Variants in COL4A5 observed in about 807,000 individuals in gnomAD.
COL4A5 encodes collagen type IV alpha 5 chain.
Under a neutral mutation model 130.2 loss-of-function variants are expected in COL4A5, and 26 were observed. That is an observed-to-expected ratio of 0.20 (90% confidence interval 0.15 to 0.28). The LOEUF is 0.28. Ranked by LOEUF, COL4A5 falls within the 10% of genes least tolerant of loss-of-function variation. COL4A5 has a pLI of 1.00. For missense variants in COL4A5, 1,131 were observed against 1,344.3 expected, an observed-to-expected ratio of 0.84 and a Z score of 2.48; for synonymous variants, 496 against 439.6, an observed-to-expected ratio of 1.13 and a Z score of -1.60.
intron 36 of COL4A5, among the ~76,000 whole-genome samples, chrX:108,653,836 C>T (rs746908828): frequency 9.0e-6 from 1 of 111,545 alleles, no homozygotes; most frequent in African/African-American, 3.3e-5. Context: ...GGGACCAATT[C>T]AATCCAAAAT....
chrX:108,576,435 G>A (rs995197996), intron 10 of COL4A5, among the ~76,000 whole-genome samples: 5 of 111,806 alleles, frequency 4.5e-5, no homozygotes, highest in Non-Finnish European at 9.4e-5. Context: ...TATGCAATTG[G>A]TCACAGGTTT....
At chrX:108,543,999 A>G (rs181919143) in intron 2 of COL4A5, among the ~76,000 whole-genome samples, 62 of 112,185 alleles carry the variant, frequency 5.5e-4, no homozygotes, top group African/African-American at 1.9e-3. Context: ...CAGCTTAAGG[A>G]GATTTTAGGC....
At chrX:108,571,536 G>A in intron 7 of COL4A5, 70 bp downstream of exon 7, 1 of 762,139 alleles carries the variant, frequency 1.3e-6, no homozygotes. Flanking sequence ...TAGTGAGAGA[G>A]CCCAATGCAT....
intron 1 of COL4A5, among the ~76,000 whole-genome samples, chrX:108,458,950 A>C (rs1181902034): frequency 9.5e-6 from 1 of 104,812 alleles, no homozygotes; most frequent in African/African-American, 3.5e-5. Context: ...ACTGCACTCC[A>C]GCCTGGGTGA....
chrX:108,646,457 T>C (rs1267398311), intron 36 of COL4A5, among the ~76,000 whole-genome samples: 2 of 111,639 alleles, frequency 1.8e-5, no homozygotes, highest in Non-Finnish European at 3.8e-5. Flanking sequence ...TTTGTTTGAG[T>C]TCATTGTAGA....
chrX:108,587,003 G>A (rs1386833989), intron 19 of COL4A5, among the ~76,000 whole-genome samples: 2 of 110,927 alleles, frequency 1.8e-5, no homozygotes, highest in Non-Finnish European at 1.9e-5. Context: ...ATACATAATT[G>A]TACATATTTA....
chrX:108,684,041 A>G (rs1357063837), intron 47 of COL4A5, among the ~76,000 whole-genome samples: 2 of 111,606 alleles, frequency 1.8e-5, no homozygotes, highest in African/African-American at 6.5e-5. Context: ...ATTAAGGCAG[A>G]AGTAAATAAG....
rs187341633 is a variant in COL4A5 at position 108,471,137 on chromosome X, T to C, written c.81+30931T>C. On this transcript the variant is annotated intron_variant, in intron 1 of 52. Coordinates refer to ENST00000328300, the MANE Select transcript of COL4A5 (RefSeq NM_033380.3). The stretch of plus-strand genomic sequence containing the variant: ...TGCTTTGGCTATTTGGGCTCTTTTT[T>C]GGTTCCATATGAATGTATAAATAGT... Among the ~76,000 whole-genome samples, 17 of 111,933 alleles carry C rather than the reference T, an allele frequency of 1.5e-4. No individual in the cohort carries two copies. The Admixed American group carries it at 1.5e-3, about 10-fold the overall frequency.
chrX:108,690,728 C>A (rs1031845123), intron 49 of COL4A5, among the ~76,000 whole-genome samples: 7 of 111,263 alleles, frequency 6.3e-5, no homozygotes, highest in African/African-American at 2.3e-4. Flanking sequence ...GTATGAAAAC[C>A]TCTGACAGAC....
Position 108,600,107 on chromosome X carries a change from C to T in COL4A5, c.1948+1237C>T, listed in dbSNP as rs1023715711. Among the ~76,000 whole-genome samples, 7 of 112,487 alleles carry T rather than the reference C, an allele frequency of 6.2e-5. No individual in the cohort carries two copies. The Admixed American group carries it at 6.6e-4, about 11-fold the overall frequency. ...CTCTGATTAAAGTTTAGCACCTTTT[C>T]ATGTGTTTATTGGTCATTTGAATTT... On this transcript the variant is annotated intron_variant, in intron 25 of 52. Transcript: ENST00000328300.
Position 108,668,459 on chromosome X carries a change from G to A in COL4A5, c.3745G>A (p.Gly1249Arg), listed in dbSNP as rs745504970. The change falls in exon 41 of 53, where the codon GGA (glycine) becomes AGA (arginine). Residue 1249 changes from glycine to arginine, a missense_variant. Transcript: ENST00000328300. ...PPGSPGPALEGPKGNPGPQGP... is the reference protein window; with the variant it reads ...PPGSPGPALERPKGNPGPQGP... ...TGGTTCTCCGGGTCCAGCTCTGGAAGGACCTAAAGGCAACCCTGGGCCCCA... is the reference window on the plus strand; with the variant it reads ...TGGTTCTCCGGGTCCAGCTCTGGAAAGACCTAAAGGCAACCCTGGGCCCCA... 1 of 1,201,462 alleles carries A rather than the reference G, an allele frequency of 8.3e-7. No homozygotes were observed.
chrX:108,476,717 A>C (rs1160422175), intron 1 of COL4A5, among the ~76,000 whole-genome samples: 2 of 110,195 alleles, frequency 1.8e-5, no homozygotes, highest in Admixed American at 1.9e-4. Context: ...TTCACTTAAC[A>C]TAATGACTTC....
At chrX:108,473,633 A>ATATATATATATTT in intron 1 of COL4A5, among the ~76,000 whole-genome samples, 28 of 34,552 alleles carry the variant, frequency 8.1e-4, no homozygotes, top group African/African-American at 2.3e-3. Flanking sequence ...ATATATATAT[A>ATATATATATATTT]TTTTTTTTTT....
intron 2 of COL4A5, among the ~76,000 whole-genome samples, chrX:108,549,159 C>G: frequency 9.0e-6 from 1 of 111,314 alleles, no homozygotes; most frequent in Non-Finnish European, 1.9e-5. Flanking sequence ...TACATGAAGC[C>G]AAAACTGAGA....
At chrX:108,525,454 T>A (rs1433551807) in intron 1 of COL4A5, among the ~76,000 whole-genome samples, 1 of 111,492 alleles carries the variant, frequency 9.0e-6, no homozygotes, top group Non-Finnish European at 1.9e-5. Context: ...TGATTTTTGT[T>A]TGGCTTGTTT....
intron 36 of COL4A5, among the ~76,000 whole-genome samples, chrX:108,649,598 A>C (rs906950907): frequency 8.9e-6 from 1 of 111,789 alleles, no homozygotes; most frequent in Non-Finnish European, 1.9e-5. Flanking sequence ...CCCAGAAATG[A>C]ACCCAAATGC....
chrX:108,612,704 A>T (rs2066858493), intron 29 of COL4A5, among the ~76,000 whole-genome samples: 1 of 111,638 alleles, frequency 9.0e-6, no homozygotes, highest in African/African-American at 3.2e-5. Flanking sequence ...TTAAGATATC[A>T]GTTTTCTCCA....
intron 1 of COL4A5, among the ~76,000 whole-genome samples, chrX:108,526,595 C>CCTTCCTTTCTTTCTTT (rs2065316239): frequency 3.0e-5 from 1 of 33,286 alleles, no homozygotes; most frequent in Non-Finnish European, 5.4e-5. Flanking sequence ...CTCCCTCCCT[C>CCTTCCTTTCTTTCTTT]CTTTCTTTCT....
In COL4A5 at chrX:108,568,688, AC is replaced by A. The variant is rs2066012820; in HGVS notation, c.321+16del. 8.3e-7 allele frequency: 1 copy of A among 1,197,807 alleles called. No homozygotes were observed. The highest frequency in any genetic ancestry group is 2.2e-5 in the Admixed American group (1 of 45,677). On this transcript the variant is annotated intron_variant, in intron 5 of 52. Coordinates refer to ENST00000328300, the MANE Select transcript of COL4A5 (RefSeq NM_033380.3). ...CAGGTCTTCCTGTAAGTAGCATTTC[AC>A]TTTTTACTTTGAAATCTCTTGAAAA...
Sources: allele counts gnomAD v4.1 joint callset (sites outside exome capture counted in the v4.1 genomes callset), GRCh38; gene constraint gnomAD v4.1.1; transcripts MANE v1.5; gene names NCBI Gene and HGNC (gene_info 2026-07-23, HGNC 2026-07-21).